The following SLCO2B1 variants were observed in gnomAD, a reference collection of about 807,000 sequenced individuals.
SLCO2B1 encodes the protein solute carrier organic anion transporter family member 2B1, also known as OATP-RP2.
A neutral mutation model predicts 67.3 loss-of-function variants in SLCO2B1; 41 were observed. The observed-to-expected ratio is 0.61, with a 90% CI of 0.47 to 0.79. The LOEUF is 0.79. Ranked by LOEUF, SLCO2B1 falls within the 30% of genes least tolerant of loss-of-function variation. SLCO2B1 has a pLI of 0.00. For missense variants in SLCO2B1, 837 were observed against 920.1 expected (o/e 0.91, Z 1.17); for synonymous variants, 379 against 381.4 (o/e 0.99, Z 0.07).
chr11:75,199,944 C>A, intron 10 of SLCO2B1: 1 of 469,528 alleles, frequency 2.1e-6, no homozygotes, highest in Non-Finnish European at 3.8e-6. Flanking sequence ...GAATGATGCT[C>A]TCCTGGCTCC....
At chr11:75,198,315 G>A (rs537453334) in intron 10 of SLCO2B1, among the ~76,000 whole-genome samples, 1 of 152,238 alleles carries the variant, frequency 6.6e-6, no homozygotes, top group Non-Finnish European at 1.5e-5. Flanking sequence ...TTCTTGGTCT[G>A]TAAAATAGGG....
rs202213657 is a variant in SLCO2B1, at chr11:75,204,560, C to A, written c.2110C>A (p.Pro704Thr). ...QLLVSGPGKK[P>T]EDSRV ...GCTAGTGTCGGGGCCAGGGAAGAAG[C>A]CAGAGGATTCCCGAGTGTGAGCTGT... The change falls in exon 14 of 14, where the codon CCA becomes ACA. Residue 704 changes from proline to threonine, a missense_variant. Pro to Thr is a conservative substitution (Grantham distance 38). Transcript: ENST00000289575. 8.7e-6 allele frequency: 14 copies of A among 1,610,400 alleles called. No homozygotes were observed. The Admixed American group carries it at 2.3e-4, about 27-fold the overall frequency.
intron 1 of SLCO2B1, among the ~76,000 whole-genome samples, chr11:75,153,324 G>A (rs1490631316): frequency 2.0e-5 from 3 of 152,158 alleles, no homozygotes; most frequent in African/African-American, 7.2e-5. Flanking sequence ...GTGTTCAAAT[G>A]TAAGCCATTC....
At chr11:75,194,255 C>T (rs1025643744) in intron 9 of SLCO2B1, among the ~76,000 whole-genome samples, 1 of 152,232 alleles carries the variant, frequency 6.6e-6, no homozygotes, top group Non-Finnish European at 1.5e-5. Context: ...CACCTTTACC[C>T]TTGGGAGCCT....
In SLCO2B1 at chr11:75,184,730, AG is replaced by A. The variant is rs531435489; in HGVS notation, c.973-3403del. Among the ~76,000 whole-genome samples, 250 of 152,262 alleles carry A rather than the reference AG, an allele frequency of 1.6e-3. 1 individual carries two copies. The highest frequency in any genetic ancestry group is 5.6e-3 in the African/African-American group (232 of 41,554). On this transcript the variant is annotated intron_variant, in intron 7 of 13. Transcript: ENST00000289575. The stretch of plus-strand genomic sequence containing the variant: ...ATTGCTTCCGTGGGCCCTATCTCAG[AG>A]GGTACGTGGCTCCTCGCTGCTCATG...
chr11:75,168,583 C>G (rs185835866), intron 4 of SLCO2B1, among the ~76,000 whole-genome samples: 1 of 152,204 alleles, frequency 6.6e-6, no homozygotes, highest in Non-Finnish European at 1.5e-5. Context: ...AACCCTCCCC[C>G]AAAGTGAATG....
chr11:75,177,697 T>A (rs527990298), intron 7 of SLCO2B1, among the ~76,000 whole-genome samples: 3 of 152,296 alleles, frequency 2.0e-5, no homozygotes, highest in African/African-American at 7.2e-5. Context: ...AGGGCCTTGA[T>A]CCTTCATACA....
At chr11:75,157,068 C>T (rs954802995) in intron 1 of SLCO2B1, 8 of 152,442 alleles carry the variant, frequency 5.2e-5, no homozygotes, top group African/African-American at 1.9e-4. Context: ...AGGTCTCAAC[C>T]TTATTTTACC....
chr11:75,159,807 T>C, intron 1 of SLCO2B1: 1 of 982,536 alleles, frequency 1.0e-6, no homozygotes, highest in Non-Finnish European at 1.2e-6. Context: ...AAGGATAAAG[T>C]ACTCCCAGGA....
At position 75,204,487 on chromosome 11, in the gene SLCO2B1, G is replaced by A. The variant is rs749219145; in HGVS notation, c.2037G>A (p.Glu679=). The stretch of plus-strand genomic sequence containing the variant: ...CTGTCCTGAGGCAGCAGGACAAAGA[G>A]GCAAGGACCAAAGAGAGCAGATCCA... The part of the protein sequence containing the change: ...VLAVLRQQDK[E]ARTKESRSSP... The change falls in exon 14 of 14, where the codon GAG becomes GAA. Residue 679 remains glutamate (E), a synonymous_variant. Coordinates refer to ENST00000289575, the MANE Select transcript of SLCO2B1 (RefSeq NM_007256.5). 1.7e-5 allele frequency: 27 copies of A among 1,613,558 alleles called. No individual in the cohort carries two copies. The Admixed American group carries it at 2.5e-4, about 15-fold the overall frequency.
intron 10 of SLCO2B1, among the ~76,000 whole-genome samples, chr11:75,198,663 A>C (rs1389335855): frequency 2.0e-5 from 3 of 152,218 alleles, no homozygotes; most frequent in Non-Finnish European, 4.4e-5. Context: ...GGTGCAGCTG[A>C]GACCGGGCCA....
chr11:75,171,928 AGAG>A lies in SLCO2B1; in HGVS notation c.782-435_782-433del, dbSNP rs879112161. Among the ~76,000 whole-genome samples the A allele has an allele frequency of 3.9e-5, 6 of 152,184 alleles. No homozygotes were observed. The South Asian group carries it at 8.3e-4, about 21-fold the overall frequency. ...ATCACAATAGTAATGAGAAGGAGGA[AGAG>A]GAGGAGGAGGAGGAGCAGGTACCTA... is the stretch of plus-strand genomic sequence containing the variant. On this transcript the variant is annotated intron_variant, in intron 6 of 13. Coordinates refer to ENST00000289575, the MANE Select transcript of SLCO2B1 (RefSeq NM_007256.5).
At chr11:75,163,827 G>T in intron 2 of SLCO2B1, 136 bp from the exon 3 acceptor site, 1 of 967,732 alleles carries the variant, frequency 1.0e-6, no homozygotes, top group Non-Finnish European at 1.5e-6. Context: ...TCTTCTGTTG[G>T]TCACTCTCCC....
Position 75,179,136 on chromosome 11 carries a change from GT to G in SLCO2B1, c.972+6573del, listed in dbSNP as rs377673910. On this transcript the variant is annotated intron_variant, in intron 7 of 13. Transcript: ENST00000289575. ...TACATTCTTTTATTTGAAAATTTGT[GT>G]TTTTTCATTTTCTTTTTAAAAATGT... 1.6e-4 allele frequency among the ~76,000 whole-genome samples: 21 copies of G among 129,946 alleles called. No individual in the cohort carries two copies. In the East Asian group the frequency reaches 4.2e-3, roughly 26 times the overall value. The allele number at this position is 129,946 out of a possible 152,430, so 85.2% of individuals were successfully genotyped here.
At chr11:75,197,878 T>TC in intron 10 of SLCO2B1, among the ~76,000 whole-genome samples, 1 of 152,262 alleles carries the variant, frequency 6.6e-6, no homozygotes, top group African/African-American at 2.4e-5. Flanking sequence ...CGGTTCCTCC[T>TC]CCCCTTTTTC....
intron 10 of SLCO2B1, 41 bp downstream of exon 10, chr11:75,196,720 T>A: frequency 6.3e-7 from 1 of 1,586,184 alleles, no homozygotes; most frequent in South Asian, 1.1e-5. Context: ...CCCTCAGGAC[T>A]CTGCCTGCCC....
intron 4 of SLCO2B1, among the ~76,000 whole-genome samples, chr11:75,167,895 CTTTTT>C: frequency 7.4e-6 from 1 of 134,420 alleles, no homozygotes; most frequent in African/African-American, 2.8e-5. Context: ...TTCTTTCTTT[CTTTTT>C]TTTTTTTTTT....
At chr11:75,203,044 A>AT (rs1312469899) in intron 12 of SLCO2B1, 79 bp downstream of exon 12, 6 of 1,319,402 alleles carry the variant, frequency 4.5e-6, no homozygotes, top group Non-Finnish European at 6.6e-6. Flanking sequence ...GGGCACAGGC[A>AT]TGAGCGGAAT....
At chr11:75,192,899 G>A (rs1945044451) in intron 8 of SLCO2B1, among the ~76,000 whole-genome samples, 1 of 152,076 alleles carries the variant, frequency 6.6e-6, no homozygotes, top group African/African-American at 2.4e-5. Context: ...ACAAAAATTA[G>A]CCAGCATGGT....
Sources: gnomAD v4.1 joint callset for allele counts (sites outside exome capture counted in the v4.1 genomes callset) on GRCh38, gnomAD v4.1.1 for gene constraint, MANE v1.5 for transcripts, NCBI Gene and HGNC (gene_info 2026-07-23, HGNC 2026-07-21) for gene names.